The following SPATA9 variants were observed in gnomAD, a reference collection of about 807,000 sequenced individuals.
SPATA9 encodes spermatogenesis associated 9, also known as spermatogenesis-associated protein 9.
In SPATA9, 27 loss-of-function variants were observed where a neutral mutation model predicts 25.5. The ratio of observed to expected loss-of-function variants is 1.06; its 90% CI spans 0.78 to 1.46. The LOEUF is 1.46. Among genes scored for constraint, SPATA9 ranks in the 40% most tolerant of loss-of-function variants. SPATA9 has a pLI of 0.00. For synonymous variants in SPATA9, 102 were observed against 105.7 expected, an observed-to-expected ratio of 0.97 and a Z score of 0.21; for missense variants, 282 against 297.5, an observed-to-expected ratio of 0.95 and a Z score of 0.38.
chr5:95,660,809 A>G (rs2112551987), intron 4 of SPATA9, among the ~76,000 whole-genome samples: 1 of 152,192 alleles, frequency 6.6e-6, no homozygotes, highest in South Asian at 2.1e-4. Context: ...ACATCCTACC[A>G]TCTTCTCTAT....
intron 1 of SPATA9, among the ~76,000 whole-genome samples, chr5:95,692,043 A>T (rs987219743): frequency 2.0e-5 from 3 of 152,040 alleles, no homozygotes; most frequent in African/African-American, 7.2e-5. Flanking sequence ...AAGAATTTGT[A>T]TTTGATTACA....
At chr5:95,667,003 C>T (rs1751873492) in intron 3 of SPATA9, among the ~76,000 whole-genome samples, 1 of 152,164 alleles carries the variant, frequency 6.6e-6, no homozygotes, top group Admixed American at 6.5e-5. Context: ...ATGCTAGGTT[C>T]TATTCTACTG....
chr5:95,653,086 C>A, exon 9 of SPATA9: 1 of 1,550,378 alleles, frequency 6.5e-7, no homozygotes, highest in African/African-American at 1.4e-5. Flanking sequence ...CTTTTCTTTC[C>A]TTCAGGCTTT....
chr5:95,672,001 C>A (rs967114408), intron 3 of SPATA9, among the ~76,000 whole-genome samples: 1 of 151,754 alleles, frequency 6.6e-6, no homozygotes, highest in East Asian at 1.9e-4. Context: ...GGAAAGGGAC[C>A]TTCCCCCCAC....
intron 4 of SPATA9, among the ~76,000 whole-genome samples, chr5:95,660,294 A>T (rs574342066): frequency 6.6e-6 from 1 of 152,008 alleles, no homozygotes; most frequent in Non-Finnish European, 1.5e-5. Flanking sequence ...ATTCATGAGG[A>T]CTCTGCTCTC....
intron 2 of SPATA9, 49 bp downstream of exon 2, chr5:95,682,479 A>G (rs757582312): frequency 3.0e-6 from 4 of 1,313,170 alleles, no homozygotes; most frequent in Non-Finnish European, 4.3e-6. Flanking sequence ...GATACTAAAA[A>G]TAGAATATAT....
intron 1 of SPATA9, among the ~76,000 whole-genome samples, chr5:95,688,404 T>C (rs952063923): frequency 6.6e-6 from 1 of 152,146 alleles, no homozygotes; most frequent in African/African-American, 2.4e-5. Context: ...GCATGTGCCA[T>C]CATGCCTGGC....
intron 3 of SPATA9, 52 bp downstream of exon 3, chr5:95,675,360 A>T: frequency 4.0e-6 from 6 of 1,486,442 alleles, no homozygotes; most frequent in Non-Finnish European, 5.5e-6. Flanking sequence ...AGTTTTGCAA[A>T]TTTAAAAGTT....
intron 3 of SPATA9, chr5:95,670,830 C>T: frequency 1.0e-6 from 1 of 985,326 alleles, no homozygotes; most frequent in Middle Eastern, 5.2e-4. Context: ...CCGGTTGCAC[C>T]TTTGACTCTC....
At chr5:95,664,155 GTC>G in intron 3 of SPATA9, 107 bp from the exon 4 acceptor site, 3 of 566,982 alleles carry the variant, frequency 5.3e-6, no homozygotes, top group Non-Finnish European at 8.5e-6. Flanking sequence ...TCTAAAGAAA[GTC>G]ATCTACTTTA....
chr5:95,715,696 G>A, the SPATA9 span, among the ~76,000 whole-genome samples: 5 of 151,996 alleles, frequency 3.3e-5, no homozygotes, highest in African/African-American at 1.2e-4. Context: ...TCTTTAACAA[G>A]ACAGAAAAAG....
At chr5:95,672,687 T>C (rs1752515924) in intron 3 of SPATA9, among the ~76,000 whole-genome samples, 1 of 152,234 alleles carries the variant, frequency 6.6e-6, no homozygotes, top group Non-Finnish European at 1.5e-5. Flanking sequence ...TCCCTAAGCC[T>C]GTTTTTCTTA....
intron 2 of SPATA9, 126 bp downstream of exon 2, chr5:95,682,402 A>G: frequency 1.5e-6 from 1 of 686,594 alleles, no homozygotes; most frequent in Admixed American, 3.4e-5. Flanking sequence ...TGTTTTTCTG[A>G]GGCAAAATTA....
intron 2 of SPATA9, among the ~76,000 whole-genome samples, chr5:95,678,038 A>G (rs1753106260): frequency 2.6e-5 from 4 of 152,186 alleles, no homozygotes; most frequent in Admixed American, 2.6e-4. Flanking sequence ...GAAGGGTTGG[A>G]AAGAACTGAA....
the SPATA9 span, among the ~76,000 whole-genome samples, chr5:95,716,375 G>C: frequency 6.6e-6 from 1 of 152,238 alleles, no homozygotes; most frequent in African/African-American, 2.4e-5. Context: ...GTGAGACATG[G>C]AGTCAAAAGA....
At chr5:95,673,348 C>T (rs535404137) in intron 3 of SPATA9, among the ~76,000 whole-genome samples, 83 of 150,884 alleles carry the variant, frequency 5.5e-4, no homozygotes, top group African/African-American at 2.0e-3. Context: ...ACCATGTGTT[C>T]GTGACCCAAG....
chr5:95,681,711 T>A (rs2112684050), intron 2 of SPATA9, among the ~76,000 whole-genome samples: 1 of 152,338 alleles, frequency 6.6e-6, no homozygotes, highest in South Asian at 2.1e-4. Flanking sequence ...AGCTCTAATA[T>A]CCCTCCTTTG....
intron 2 of SPATA9, among the ~76,000 whole-genome samples, chr5:95,681,817 A>G (rs1203946488): frequency 6.6e-6 from 1 of 152,188 alleles, no homozygotes; most frequent in Non-Finnish European, 1.5e-5. Flanking sequence ...TGACATTGTC[A>G]AGAGTCTGAC....
At chr5:95,655,936 A>T, downstream of SPATA9, 2 of 989,674 alleles carry the variant, frequency 2.0e-6, no homozygotes, top group Non-Finnish European at 3.0e-6. Flanking sequence ...GGAGGAAAAA[A>T]AGAAAAGCTA....
Sources: allele counts gnomAD v4.1 joint callset (sites outside exome capture counted in the v4.1 genomes callset), GRCh38; gene constraint gnomAD v4.1.1; transcripts MANE v1.5; gene names NCBI Gene and HGNC (gene_info 2026-07-23, HGNC 2026-07-21).